The following NUDT18 variants were observed in gnomAD, a reference collection of about 807,000 sequenced individuals.
The protein encoded by NUDT18 is nudix hydrolase 18.
A neutral mutation model predicts 27.6 loss-of-function variants in NUDT18; 26 were observed. The ratio of observed to expected loss-of-function variants is 0.94; its 90% CI spans 0.69 to 1.31. The LOEUF (loss-of-function observed/expected upper bound fraction) is 1.31. Ranked by LOEUF, NUDT18 falls within the 50% of genes most tolerant of loss-of-function variation. NUDT18 has a pLI of 0.00. For synonymous variants in NUDT18, 220 were observed against 196.9 expected, an observed-to-expected ratio of 1.12 and a Z score of -0.98; for missense variants, 450 against 433.4, an observed-to-expected ratio of 1.04 and a Z score of -0.34.
At chr8:22,109,632 G>A (rs1443605237), upstream of NUDT18, 2 of 482,336 alleles carry the variant, frequency 4.1e-6, no homozygotes, top group East Asian at 6.0e-5. Context: ...CGCTCGGGAC[G>A]TCTCCCAGCC....
Position 22,107,363 on chromosome 8 carries a change from TTCC to T in NUDT18, c.906_908del (p.Glu303del). Reference sequence around the variant, plus strand: ...GCTGGAGGAGCTGGCTTTGCAGGTCTTCCTCCATCACCTTCCACCAAGAGAAGT... The same window carrying T: ...GCTGGAGGAGCTGGCTTTGCAGGTCTTCCATCACCTTCCACCAAGAGAAGT... On this transcript the variant is annotated inframe_deletion, in exon 3 of 3. Transcript: ENST00000611621. 6.2e-7 allele frequency: 1 copy of T among 1,613,512 alleles called. No homozygotes were observed. The highest frequency in any genetic ancestry group is 8.5e-7 in the Non-Finnish European group (1 of 1,179,774).
intron 1 of NUDT18, 23 bp downstream of exon 1, chr8:22,109,116 C>T (rs1362637713): frequency 4.3e-6 from 6 of 1,394,500 alleles, no homozygotes; most frequent in Admixed American, 3.7e-5. Context: ...CGAGGCCCGG[C>T]GGGCCCGGGG....
chr8:22,108,839 C>CT (rs922916007), intron 1 of NUDT18, among the ~76,000 whole-genome samples: 2 of 152,220 alleles, frequency 1.3e-5, no homozygotes, highest in Non-Finnish European at 2.9e-5. Context: ...CACCAAAGGC[C>CT]TGAAGGTAAG....
At position 22,107,166 on chromosome 8, in the gene NUDT18, G is replaced by T. The variant is rs1198080659; in HGVS notation, c.*134C>A. The T allele has an allele frequency of 1.5e-5, 10 of 650,090 alleles. No individual in the cohort carries two copies. The highest frequency in any genetic ancestry group is 2.4e-5 in the Non-Finnish European group (9 of 377,218). The allele number at this position is 650,090 out of a possible 1,614,324, so 40.3% of individuals were successfully genotyped here. A position where few individuals can be genotyped will look rare whatever the true frequency, so the allele number is the denominator to read the frequency against. On this transcript the variant is annotated 3_prime_UTR_variant, in exon 3 of 3. Coordinates refer to ENST00000611621, the MANE Select transcript of NUDT18 (RefSeq NM_024815.4). ...AATGCTCCTCAAAGCATCTCTCCTG[G>T]GGACCAGGAGAGCCGCCCCTGCTCC...
intron 2 of NUDT18, 77 bp from the exon 3 acceptor site, chr8:22,107,972 C>T: frequency 3.6e-6 from 5 of 1,392,770 alleles, no homozygotes; most frequent in Non-Finnish European, 4.8e-6. Context: ...CAACAGACAT[C>T]CCTGACCCAG....
Position 22,109,160 on chromosome 8 carries a change from C to G in NUDT18, c.141G>C (p.Leu47=). 8 of 1,453,374 alleles carry G rather than the reference C, an allele frequency of 5.5e-6. No individual in the cohort carries two copies. Among genetic ancestry groups the G allele is most frequent in the Non-Finnish European group, 7.2e-6 (8 of 1,114,234 alleles). 90.0% of individuals were successfully genotyped at this position (1,453,374 alleles called of 1,614,324 possible). A position where few individuals can be genotyped will look rare whatever the true frequency, so the allele number is the denominator to read the frequency against. The part of the protein sequence containing the change: ...RLRKNVCYVV[L]AVFLSEQDEV... ...TCACCTGCTCGCTGAGGAACACGGC[C>G]AGCACCACGTAGCACACGTTCTTCC... Residue 47 remains leucine (L), a synonymous_variant, in exon 1 of 3, where the codon CTG becomes CTC. Coordinates refer to ENST00000611621, the MANE Select transcript of NUDT18 (RefSeq NM_024815.4).
chr8:22,107,212 T>G lies in NUDT18; in HGVS notation c.*88A>C, dbSNP rs1586358605. The stretch of plus-strand genomic sequence containing the variant: ...GCTCCCAATGCAACAAGATCCCTGA[T>G]CGCCAGCCTCTTGCCTCCCTCAGAG... On this transcript the variant is annotated 3_prime_UTR_variant, in exon 3 of 3. Coordinates refer to ENST00000611621, the MANE Select transcript of NUDT18 (RefSeq NM_024815.4). 12 of 1,003,052 alleles carry G rather than the reference T, an allele frequency of 1.2e-5. No individual in the cohort carries two copies. In the South Asian group the frequency reaches 2.0e-4, roughly 17 times the overall value. 62.1% of individuals were successfully genotyped at this position (1,003,052 alleles called of 1,614,324 possible).
Position 22,107,211 on chromosome 8 carries a change from A to C in NUDT18, c.*89T>G, listed in dbSNP as rs929860998. 2 of 996,958 alleles carry C rather than the reference A, an allele frequency of 2.0e-6. No homozygotes were observed. Among genetic ancestry groups the C allele is most frequent in the African/African-American group, 3.3e-5 (2 of 60,876 alleles). 61.8% of individuals were successfully genotyped at this position (996,958 alleles called of 1,614,324 possible). A position where few individuals can be genotyped will look rare whatever the true frequency, so the allele number is the denominator to read the frequency against. Reference sequence around the variant, plus strand: ...TGCTCCCAATGCAACAAGATCCCTGATCGCCAGCCTCTTGCCTCCCTCAGA... The same window carrying C: ...TGCTCCCAATGCAACAAGATCCCTGCTCGCCAGCCTCTTGCCTCCCTCAGA... On this transcript the variant is annotated 3_prime_UTR_variant, in exon 3 of 3. Transcript: ENST00000611621.
chr8:22,107,237 G>A lies in NUDT18; in HGVS notation c.*63C>T. ...TCGCCAGCCTCTTGCCTCCCTCAGA[G>A]GGAGACAAGTCCGCACTGGAGGGAG... On this transcript the variant is annotated 3_prime_UTR_variant, in exon 3 of 3. Transcript: ENST00000611621. 7.7e-7 allele frequency: 1 copy of A among 1,304,644 alleles called. No homozygotes were observed. Among genetic ancestry groups the A allele is most frequent in the Non-Finnish European group, 1.0e-6 (1 of 958,374 alleles). 80.8% of individuals were successfully genotyped at this position (1,304,644 alleles called of 1,614,324 possible).
Position 22,107,246 on chromosome 8 carries a change from G to T in NUDT18, c.*54C>A. ...TCTTGCCTCCCTCAGAGGGAGACAA[G>T]TCCGCACTGGAGGGAGCACGGCTGC... On this transcript the variant is annotated 3_prime_UTR_variant, in exon 3 of 3. Coordinates refer to ENST00000611621, the MANE Select transcript of NUDT18 (RefSeq NM_024815.4). The T allele has an allele frequency of 7.2e-7, 1 of 1,381,806 alleles. No individual in the cohort carries two copies. The highest frequency in any genetic ancestry group is 9.8e-7 in the Non-Finnish European group (1 of 1,020,410). 85.6% of individuals were successfully genotyped at this position (1,381,806 alleles called of 1,614,324 possible).
At chr8:22,109,102 C>T (rs997117602) in intron 1 of NUDT18, 37 bp downstream of exon 1, 126 of 1,375,844 alleles carry the variant, frequency 9.2e-5, no homozygotes, top group Non-Finnish European at 9.0e-5. Flanking sequence ...TGGCTGCGCG[C>T]TCCCGAGGCC....
In NUDT18 at chr8:22,107,632, A is replaced by G; in HGVS notation, c.640T>C (p.Leu214=). The part of the protein sequence containing the change: ...VLVGTVGMPH[L]PVTACGLDPM... ...TCGAGGCCACAGGCAGTGACAGGCA[A>G]GTGAGGCATCCCCACTGTGCCCACT... Residue 214 remains leucine, a synonymous_variant, in exon 3 of 3, where the codon TTG becomes CTG. Coordinates refer to ENST00000611621, the MANE Select transcript of NUDT18 (RefSeq NM_024815.4). The G allele has an allele frequency of 6.2e-7, 1 of 1,613,218 alleles. No individual in the cohort carries two copies. The highest frequency in any genetic ancestry group is 1.1e-5 in the South Asian group (1 of 91,070).
Position 22,107,890 on chromosome 8 carries a change from T to G in NUDT18, c.382A>C (p.Ile128Leu). 2 of 1,574,272 alleles carry G rather than the reference T, an allele frequency of 1.3e-6. No individual in the cohort carries two copies. Among genetic ancestry groups the G allele is most frequent in the South Asian group, 2.4e-5 (2 of 84,970 alleles). ...FVFLARPTGG[I>L]LKTSKEADAE... ...TCGGCCTCCTTGGAAGTCTTGAGAATTCCACCTGGGGGAGATGTGGGGGAT... is the reference window on the plus strand; with the variant it reads ...TCGGCCTCCTTGGAAGTCTTGAGAAGTCCACCTGGGGGAGATGTGGGGGAT... The change falls in exon 3 of 3, where the codon ATT (isoleucine) becomes CTT (leucine). Residue 128 changes from isoleucine (I) to leucine (L), a missense_variant. Ile to Leu is a conservative substitution (Grantham distance 5). Coordinates refer to ENST00000611621, the MANE Select transcript of NUDT18 (RefSeq NM_024815.4).
chr8:22,109,558 T>A (rs1021352156), upstream of NUDT18: 3 of 491,510 alleles, frequency 6.1e-6, no homozygotes, highest in Non-Finnish European at 3.8e-6. Flanking sequence ...GCCCTGGAAC[T>A]GGGGGGGCAC....
At chr8:22,110,412 G>A (rs1826452954), upstream of NUDT18, among the ~76,000 whole-genome samples, 1 of 152,260 alleles carries the variant, frequency 6.6e-6, no homozygotes, top group Non-Finnish European at 1.5e-5. Context: ...CTCCTCACCT[G>A]GCAGAGGCCA....
At chr8:22,109,831 C>T (rs755876500), upstream of NUDT18, 13 of 441,042 alleles carry the variant, frequency 2.9e-5, no homozygotes, top group Middle Eastern at 3.3e-4. Context: ...CACACAATGG[C>T]ATTGCCGGAG....
At chr8:22,108,930 G>A (rs1234435112) in intron 1 of NUDT18, among the ~76,000 whole-genome samples, 1 of 152,202 alleles carries the variant, frequency 6.6e-6, no homozygotes, top group African/African-American at 2.4e-5. Context: ...GGCCTAGTCG[G>A]ATGAGACAAA....
upstream of NUDT18, chr8:22,109,552 T>A: frequency 4.1e-6 from 2 of 485,012 alleles, no homozygotes; most frequent in Non-Finnish European, 3.8e-6. Flanking sequence ...GGGGCCGCCC[T>A]GGAACTGGGG....
In NUDT18 at chr8:22,107,051, A is replaced by C; in HGVS notation, c.*249T>G. ...CAGAAAGCTCCCCATCCCCCTGGGAAGAGGCGTCAGCGTGCCCTCAGGGTA... is the reference window on the plus strand; with the variant it reads ...CAGAAAGCTCCCCATCCCCCTGGGACGAGGCGTCAGCGTGCCCTCAGGGTA... On this transcript the variant is annotated 3_prime_UTR_variant, in exon 3 of 3. Coordinates refer to ENST00000611621, the MANE Select transcript of NUDT18 (RefSeq NM_024815.4). 4.4e-6 allele frequency: 2 copies of C among 456,638 alleles called. No homozygotes were observed. Among genetic ancestry groups the C allele is most frequent in the South Asian group, 3.3e-5 (1 of 30,658 alleles). The allele number at this position is 456,638 out of a possible 1,614,324, so 28.3% of individuals were successfully genotyped here.
Sources: gnomAD v4.1 joint callset for allele counts (sites outside exome capture counted in the v4.1 genomes callset) on GRCh38, gnomAD v4.1.1 for gene constraint, MANE v1.5 for transcripts, NCBI Gene and HGNC (gene_info 2026-07-23, HGNC 2026-07-21) for gene names.